Variants in TBC1D8 observed in about 807,000 individuals in gnomAD.
TBC1D8 encodes BUB2-like protein 1.
In TBC1D8, 65 loss-of-function variants were observed where a neutral mutation model predicts 118.8. The observed-to-expected ratio is 0.55, with a 90% confidence interval of 0.45 to 0.67. The LOEUF is 0.67. Among genes scored for constraint, TBC1D8 ranks in the 30% least tolerant of loss-of-function variants. The probability of loss-of-function intolerance (pLI) is 0.00; values close to 1 mark genes in which losing one functional copy is unlikely to be tolerated. For missense variants in TBC1D8, 1,376 were observed against 1,471.2 expected, an observed-to-expected ratio of 0.94 and a Z score of 1.06; for synonymous variants, 566 against 595.8, an observed-to-expected ratio of 0.95 and a Z score of 0.73.
intron 2 of TBC1D8, among the ~76,000 whole-genome samples, chr2:101,064,120 C>T (rs1682900904): frequency 6.6e-6 from 1 of 152,126 alleles, no homozygotes. Context: ...CATGTTGAAG[C>T]CCCTGCTCCC....
chr2:101,149,390 G>A (rs1679452820), intron 1 of TBC1D8, among the ~76,000 whole-genome samples: 1 of 152,144 alleles, frequency 6.6e-6, no homozygotes, highest in African/African-American at 2.4e-5. Context: ...TCTGCCCTCC[G>A]TGTCTGGAAC....
chr2:101,144,388 G>A (rs1029511327), intron 1 of TBC1D8, among the ~76,000 whole-genome samples: 1 of 152,134 alleles, frequency 6.6e-6, no homozygotes, highest in Non-Finnish European at 1.5e-5. Flanking sequence ...GAATTAGCCA[G>A]ATGCTTGGGG....
chr2:101,007,788 T>C lies in TBC1D8; in HGVS notation c.*33A>G. 6.3e-7 allele frequency: 1 copy of C among 1,595,010 alleles called. No homozygotes were observed. Among genetic ancestry groups the C allele is most frequent in the East Asian group, 2.2e-5 (1 of 44,762 alleles). ...CAGTCTGGTTCGTGCTTTGGTATGG[T>C]GGACTCCAGTGTGCATAGCAGCTGC... is the stretch of plus-strand genomic sequence containing the variant. On this transcript the variant is annotated 3_prime_UTR_variant, in exon 20 of 20. Transcript: ENST00000409318.
At chr2:101,015,113 G>T (rs1238628682) in intron 17 of TBC1D8, among the ~76,000 whole-genome samples, 2 of 152,170 alleles carry the variant, frequency 1.3e-5, no homozygotes, top group Non-Finnish European at 2.9e-5. Context: ...TATAAAGTCT[G>T]TTGTTCCTAG....
chr2:101,085,517 C>G (rs1341793997), intron 2 of TBC1D8, among the ~76,000 whole-genome samples: 1 of 152,194 alleles, frequency 6.6e-6, no homozygotes, highest in Admixed American at 6.5e-5. Flanking sequence ...TCCCATAACA[C>G]GAGTTAAAGT....
chr2:101,135,618 G>A (rs901214703), intron 1 of TBC1D8, among the ~76,000 whole-genome samples: 1 of 152,210 alleles, frequency 6.6e-6, no homozygotes, highest in African/African-American at 2.4e-5. Context: ...CAAAGAGCAG[G>A]GAACAACAAT....
At chr2:101,100,891 T>G (rs1334580543) in intron 1 of TBC1D8, among the ~76,000 whole-genome samples, 3 of 152,002 alleles carry the variant, frequency 2.0e-5, no homozygotes, top group Admixed American at 2.0e-4. Flanking sequence ...AATTAACTAT[T>G]AACTCAAGGT....
chr2:101,022,216 C>CT, intron 16 of TBC1D8, 65 bp downstream of exon 16: 1 of 1,606,358 alleles, frequency 6.2e-7, no homozygotes, highest in Non-Finnish European at 8.5e-7. Context: ...CGAAGATCCA[C>CT]TTTGTGTTCT....
rs533301432 is a variant in TBC1D8 at position 101,141,087 on chromosome 2, A to G, written c.127+10040T>C. 7.2e-5 allele frequency among the ~76,000 whole-genome samples: 11 copies of G among 152,234 alleles called. No homozygotes were observed. In the South Asian group the frequency reaches 2.1e-3, roughly 29 times the overall value. Reference sequence around the variant, plus strand: ...TACTTCTTGGATATTTAGTGTAGGCATTAGCTGTCAACTTTCAGAAGTGGA... The same window carrying G: ...TACTTCTTGGATATTTAGTGTAGGCGTTAGCTGTCAACTTTCAGAAGTGGA... On this transcript the variant is annotated intron_variant, in intron 1 of 19. Transcript: ENST00000409318.
At chr2:101,129,996 T>C (rs1392749155) in intron 1 of TBC1D8, among the ~76,000 whole-genome samples, 2 of 151,968 alleles carry the variant, frequency 1.3e-5, no homozygotes, top group African/African-American at 4.8e-5. Flanking sequence ...GACCTTTTCC[T>C]GGGCCCCAGC....
At chr2:101,048,742 A>ATTT (rs1558652945) in intron 5 of TBC1D8, among the ~76,000 whole-genome samples, 40 of 147,268 alleles carry the variant, frequency 2.7e-4, no homozygotes, top group African/African-American at 1.0e-3. Flanking sequence ...AGTCTTTTTA[A>ATTT]AAAAAAAAAA....
intron 1 of TBC1D8, among the ~76,000 whole-genome samples, chr2:101,116,590 A>ACATTGAAGGTGTTT (rs1488114570): frequency 1.3e-5 from 2 of 152,222 alleles, no homozygotes; most frequent in East Asian, 3.9e-4. Context: ...CCTTATTTTA[A>ACATTGAAGGTGTTT]AACAGGGCCA....
chr2:101,072,828 C>T (rs756201159), intron 2 of TBC1D8, among the ~76,000 whole-genome samples: 1 of 152,112 alleles, frequency 6.6e-6, no homozygotes, highest in South Asian at 2.1e-4. Context: ...ATCTGTGGCC[C>T]GTGGGTTGGG....
intron 8 of TBC1D8, among the ~76,000 whole-genome samples, chr2:101,037,186 A>G (rs933545441): frequency 5.9e-5 from 9 of 152,232 alleles, no homozygotes; most frequent in African/African-American, 2.2e-4. Context: ...CAGAAGACAA[A>G]AAAAAAGGAA....
At chr2:101,062,315 AAAC>A (rs1383646677) in intron 2 of TBC1D8, among the ~76,000 whole-genome samples, 2 of 152,196 alleles carry the variant, frequency 1.3e-5, no homozygotes, top group Admixed American at 1.3e-4. Flanking sequence ...GAAAAAAAAA[AAAC>A]AAGTGAAGAA....
chr2:101,095,249 T>TTTATTATGATTA (rs1676320371), intron 1 of TBC1D8, among the ~76,000 whole-genome samples: 1 of 146,546 alleles, frequency 6.8e-6, no homozygotes, highest in South Asian at 2.2e-4. Flanking sequence ...AAGTATTTTC[T>TTTATTATGATTA]TTATTATTAT....
At chr2:101,094,010 T>A (rs1188272165) in intron 1 of TBC1D8, among the ~76,000 whole-genome samples, 2 of 152,100 alleles carry the variant, frequency 1.3e-5, no homozygotes, top group African/African-American at 2.4e-5. Context: ...CTCAAAATAC[T>A]TACTTATCTG....
In TBC1D8 at chr2:101,094,599, T is replaced by C. The variant is rs886442623; in HGVS notation, c.128-4235A>G. Among the ~76,000 whole-genome samples, 9 of 152,150 alleles carry C rather than the reference T, an allele frequency of 5.9e-5. 1 individual carries two copies. Among genetic ancestry groups the C allele is most frequent in the African/African-American group, 2.2e-4 (9 of 41,440 alleles). Reference sequence around the variant, plus strand: ...GCAGGGAGGGTGTGCAGCCACAATATGGAAGTAGTGACTTTTTAACTGGAA... The same window carrying C: ...GCAGGGAGGGTGTGCAGCCACAATACGGAAGTAGTGACTTTTTAACTGGAA... On this transcript the variant is annotated intron_variant, in intron 1 of 19. Coordinates refer to ENST00000409318, the MANE Select transcript of TBC1D8 (RefSeq NM_001330348.2).
chr2:101,023,081 G>A (rs1315383094), intron 15 of TBC1D8, among the ~76,000 whole-genome samples: 1 of 151,506 alleles, frequency 6.6e-6, no homozygotes, highest in Non-Finnish European at 1.5e-5. Context: ...GGAGGCGGAG[G>A]TTGCAGTGAG....
Sources: gnomAD v4.1 joint callset for allele counts (sites outside exome capture counted in the v4.1 genomes callset) on GRCh38, gnomAD v4.1.1 for gene constraint, MANE v1.5 for transcripts, NCBI Gene and HGNC (gene_info 2026-07-23, HGNC 2026-07-21) for gene names.